Variants in LSM4 observed in about 807,000 individuals in gnomAD.
The protein encoded by LSM4 is U6 snRNA-associated Sm-like protein LSm4.
Under a neutral mutation model 22.3 loss-of-function variants are expected in LSM4, and 15 were observed. The observed-to-expected ratio is 0.67, with a 90% CI of 0.45 to 1.03. The LOEUF is 1.03. Ranked by LOEUF, LSM4 falls within the 50% of genes least tolerant of loss-of-function variation. The pLI is 0.00. For synonymous variants in LSM4, 90 were observed against 79.8 expected (o/e 1.13, Z -0.68); for missense variants, 127 against 198.0 (o/e 0.64, Z 2.15).
chr19:18,322,452 GC>G (rs1344684780), intron 1 of LSM4, among the ~76,000 whole-genome samples: 3 of 151,946 alleles, frequency 2.0e-5, no homozygotes, highest in African/African-American at 7.3e-5. Context: ...AGCTCAAAAC[GC>G]CCCCTTCCGC....
At chr19:18,320,986 T>G (rs1251688848) in intron 1 of LSM4, among the ~76,000 whole-genome samples, 1 of 152,174 alleles carries the variant, frequency 6.6e-6, no homozygotes, top group East Asian at 1.9e-4. Flanking sequence ...TGCCTCCTAA[T>G]TCAGGAAGCT....
intron 3 of LSM4, chr19:18,312,337 A>C: frequency 2.4e-6 from 1 of 412,348 alleles, no homozygotes; most frequent in Non-Finnish European, 4.5e-6. Context: ...AGCCACAGGG[A>C]GTCCCCAGTC....
At chr19:18,316,809 C>T (rs548410987) in intron 1 of LSM4, among the ~76,000 whole-genome samples, 6 of 152,136 alleles carry the variant, frequency 3.9e-5, no homozygotes, top group Non-Finnish European at 7.4e-5. Flanking sequence ...TCCTGTCTGT[C>T]TGAAGCAAGC....
chr19:18,309,718 C>T lies in LSM4; in HGVS notation c.288G>A (p.Gln96=). Residue 96 remains glutamine (Q), a synonymous_variant, in exon 4 of 5, where the codon CAG becomes CAA. Transcript: ENST00000593829. ...KGRGRGGLQQ[Q]KQQKGRGMGG... ...CCATGCCGCGGCCTTTCTGCTGCTT[C>T]TGCTGCTGCAGGCCTCCGCGGCCGC... 6.2e-7 allele frequency: 1 copy of T among 1,611,630 alleles called. No individual in the cohort carries two copies. Among genetic ancestry groups the T allele is most frequent in the South Asian group, 1.1e-5 (1 of 90,970 alleles).
intron 2 of LSM4, 142 bp from the exon 3 acceptor site, chr19:18,312,844 T>C: frequency 1.6e-6 from 1 of 644,298 alleles, no homozygotes; most frequent in Non-Finnish European, 2.8e-6. Context: ...ATGGCCTTCC[T>C]TACAGGCGAC....
chr19:18,321,794 T>C (rs1970426749), intron 1 of LSM4, among the ~76,000 whole-genome samples: 1 of 152,148 alleles, frequency 6.6e-6, no homozygotes, highest in Non-Finnish European at 1.5e-5. Context: ...CAACCAGTCC[T>C]GCGATCCCAC....
chr19:18,307,870 T>G (rs1970248099), intron 4 of LSM4, among the ~76,000 whole-genome samples: 2 of 151,336 alleles, frequency 1.3e-5, no homozygotes, highest in Non-Finnish European at 2.9e-5. Context: ...CCAGAAGGGT[T>G]TCCTGGAGGA....
intron 1 of LSM4, among the ~76,000 whole-genome samples, chr19:18,319,942 G>T (rs996281474): frequency 6.6e-6 from 1 of 152,172 alleles, no homozygotes; most frequent in Admixed American, 6.5e-5. Context: ...AGAGGGACTC[G>T]GTAAATATTT....
intron 1 of LSM4, among the ~76,000 whole-genome samples, chr19:18,318,505 C>T (rs1037641796): frequency 2.0e-5 from 3 of 152,260 alleles, no homozygotes; most frequent in Non-Finnish European, 2.9e-5. Context: ...GTGCCACCAG[C>T]CACAGAGAAA....
In LSM4 at chr19:18,307,467, CTGTT is replaced by C. The variant is rs1460269208; in HGVS notation, c.413_416del (p.Lys138SerfsTer48). 7 of 1,539,630 alleles carry C rather than the reference CTGTT, an allele frequency of 4.5e-6. No homozygotes were observed. The highest frequency in any genetic ancestry group is 6.1e-6 in the Non-Finnish European group (7 of 1,144,480). ...AGCAGCCGGTCTGGGTGGGCGCTCA[CTGTT>C]TGCCCGCCTGTCTGCCAGGCTTCTT... On this transcript the variant is annotated frameshift_variant, in exon 5 of 5. Transcript: ENST00000593829. LOFTEE classifies it high-confidence loss of function.
intron 4 of LSM4, among the ~76,000 whole-genome samples, chr19:18,309,108 G>T (rs986864195): frequency 6.6e-6 from 1 of 150,720 alleles, no homozygotes; most frequent in African/African-American, 2.4e-5. Context: ...AGCCTGCACA[G>T]AATTGGCGCC....
chr19:18,316,259 T>G, intron 1 of LSM4, 194 bp from the exon 2 acceptor site: 1 of 509,836 alleles, frequency 2.0e-6, no homozygotes, highest in African/African-American at 2.0e-5. Flanking sequence ...CCTCTCAGAT[T>G]AGGAAGAAAA....
intron 2 of LSM4, among the ~76,000 whole-genome samples, chr19:18,313,801 C>T (rs188944083): frequency 1.3e-5 from 2 of 152,090 alleles, no homozygotes; most frequent in African/African-American, 4.8e-5. Flanking sequence ...TAGGCATTAG[C>T]CACCACACTC....
intron 4 of LSM4, among the ~76,000 whole-genome samples, chr19:18,308,245 C>A (rs567283183): frequency 6.6e-6 from 1 of 152,170 alleles, no homozygotes; most frequent in Non-Finnish European, 1.5e-5. Flanking sequence ...AGGCTGCACG[C>A]AGGGCACGCC....
At chr19:18,312,533 C>T in intron 3 of LSM4, 71 bp downstream of exon 3, 1 of 1,322,742 alleles carries the variant, frequency 7.6e-7, no homozygotes, top group Non-Finnish European at 1.1e-6. Flanking sequence ...CCCATGAGGC[C>T]CAGGGAGGGA....
chr19:18,312,741 G>C, intron 2 of LSM4, 39 bp from the exon 3 acceptor site: 1 of 1,509,516 alleles, frequency 6.6e-7, no homozygotes. Flanking sequence ...TGTAGCCCTG[G>C]AGCCCTGCGC....
intron 1 of LSM4, among the ~76,000 whole-genome samples, chr19:18,320,586 C>T (rs1317473425): frequency 8.5e-5 from 13 of 152,184 alleles, no homozygotes; most frequent in Admixed American, 8.5e-4. Context: ...ATCACCTGAG[C>T]TCAGGGGTTC....
At chr19:18,321,385 G>A (rs1420044307) in intron 1 of LSM4, among the ~76,000 whole-genome samples, 1 of 152,088 alleles carries the variant, frequency 6.6e-6, no homozygotes, top group African/African-American at 2.4e-5. Context: ...AAATTGTAGC[G>A]GGAAATTATG....
chr19:18,314,340 GA>G (rs1970329799), intron 2 of LSM4, among the ~76,000 whole-genome samples: 1 of 151,424 alleles, frequency 6.6e-6, no homozygotes, highest in African/African-American at 2.4e-5. Context: ...CTAACACAGT[GA>G]AACCCCGTCT....
Sources: allele counts gnomAD v4.1 joint callset (sites outside exome capture counted in the v4.1 genomes callset), GRCh38; gene constraint gnomAD v4.1.1; transcripts MANE v1.5; gene names NCBI Gene and HGNC (gene_info 2026-07-23, HGNC 2026-07-21).